Variants in DPP6 observed in about 807,000 individuals in gnomAD.
DPP6 encodes the protein dipeptidyl peptidase like 6.
In DPP6, 69 loss-of-function variants were observed where a neutral mutation model predicts 122.6. That is an observed-to-expected ratio of 0.56 (90% confidence interval 0.46 to 0.69). The LOEUF (loss-of-function observed/expected upper bound fraction) is 0.69, where lower values mean the gene tolerates loss of function less well. Among genes scored for constraint, DPP6 ranks in the 30% least tolerant of loss-of-function variants. The pLI, the probability that DPP6 is intolerant of heterozygous loss-of-function variation, is 0.00. For missense variants in DPP6, 928 were observed against 1,116.9 expected, an observed-to-expected ratio of 0.83 and a Z score of 2.41; for synonymous variants, 418 against 433.1, an observed-to-expected ratio of 0.97 and a Z score of 0.43.
chr7:154,060,704 A>T (rs1585269657), intron 1 of DPP6, among the ~76,000 whole-genome samples: 1 of 123,514 alleles, frequency 8.1e-6, no homozygotes, highest in Non-Finnish European at 1.7e-5. Context: ...GGCTGTTAGT[A>T]CCCCCATCGC....
At chr7:154,130,579 A>G (rs753154515) in intron 1 of DPP6, among the ~76,000 whole-genome samples, 2 of 152,174 alleles carry the variant, frequency 1.3e-5, no homozygotes, top group Admixed American at 6.5e-5. Flanking sequence ...CGAAACACTC[A>G]TGTTTCTCAT....
chr7:154,646,057 G>C (rs10238768), intron 6 of DPP6, among the ~76,000 whole-genome samples: 19,706 of 99,016 alleles, frequency 0.2, 1,704 homozygotes, highest in African/African-American at 0.28. Flanking sequence ...AAAATACTGA[G>C]GGCTCTATTC....
chr7:154,884,945 C>T (rs1430575526), intron 21 of DPP6: 1 of 152,578 alleles, frequency 6.6e-6, no homozygotes, highest in Non-Finnish European at 1.5e-5. Flanking sequence ...CATGCTCTGT[C>T]TCTCACACAT....
At chr7:154,648,927 A>C (rs2130981747) in intron 6 of DPP6, among the ~76,000 whole-genome samples, 1 of 152,162 alleles carries the variant, frequency 6.6e-6, no homozygotes, top group East Asian at 1.9e-4. Context: ...TAAAAAAAAA[A>C]AAAAAAATAC....
At chr7:153,968,874 CT>C (rs1452500987) in intron 1 of DPP6, 1 of 152,124 alleles carries the variant, frequency 6.6e-6, no homozygotes, top group Non-Finnish European at 1.5e-5. Context: ...TCTTTCATGG[CT>C]GGCTTCTTTC....
At chr7:154,553,045 AG>A (rs1829747558) in intron 4 of DPP6, among the ~76,000 whole-genome samples, 1 of 152,180 alleles carries the variant, frequency 6.6e-6, no homozygotes, top group South Asian at 2.1e-4. Context: ...AGAATTTTTG[AG>A]CTGGTTAGAA....
chr7:154,666,914 C>T (rs1838203514), intron 6 of DPP6, among the ~76,000 whole-genome samples: 1 of 152,174 alleles, frequency 6.6e-6, no homozygotes, highest in African/African-American at 2.4e-5. Flanking sequence ...TCAGATGTCT[C>T]TCTGAAATGA....
chr7:153,752,667 G>A, the DPP6 span, among the ~76,000 whole-genome samples: 18 of 128,760 alleles, frequency 1.4e-4, no homozygotes, highest in East Asian at 4.2e-3. Context: ...TGAGACAAAT[G>A]GTAACTTGGT....
intron 5 of DPP6, among the ~76,000 whole-genome samples, chr7:154,591,313 C>T (rs1008849141): frequency 6.6e-6 from 1 of 152,126 alleles, no homozygotes. Context: ...AAGACGGAGT[C>T]AAATCATGGG....
At position 154,224,494 on chromosome 7, in the gene DPP6, A is replaced by G. The variant is rs1170651883; in HGVS notation, c.243+171431A>G. The stretch of plus-strand genomic sequence containing the variant: ...AACTGTGTACTCTAAATGTTTCTGC[A>G]TTGGTCTCCCAGGCCATTCCAATCA... On this transcript the variant is annotated intron_variant, in intron 1 of 25. Transcript: ENST00000377770. Among the ~76,000 whole-genome samples the G allele has an allele frequency of 2.0e-5, 3 of 149,194 alleles. 1 individual carries two copies. Among genetic ancestry groups the G allele is most frequent in the African/African-American group, 7.7e-5 (3 of 39,160 alleles).
chr7:154,804,943 C>T lies in DPP6; in HGVS notation c.1526C>T (p.Pro509Leu), dbSNP rs1303315366. Reference sequence around the variant, plus strand: ...TACTTCCTGAGCACGGAGGACCTGCCTCGGAGACGACAACTCTACAGGTAA... The same window carrying T: ...TACTTCCTGAGCACGGAGGACCTGCTTCGGAGACGACAACTCTACAGGTAA... ...KIYFLSTEDL[P>L]RRRQLYSANT... The change falls in exon 15 of 26, where the codon CCT (proline) becomes CTT (leucine). Residue 509 changes from proline (P) to leucine (L), a missense_variant. By Grantham distance (98) the Pro-to-Leu change is moderately conservative (BLOSUM62 -3). Transcript: ENST00000377770. The T allele has an allele frequency of 3.1e-6, 5 of 1,602,054 alleles. No homozygotes were observed. Among genetic ancestry groups the T allele is most frequent in the South Asian group, 2.3e-5 (2 of 88,300 alleles).
At chr7:154,145,063 C>T (rs1796022795) in intron 1 of DPP6, among the ~76,000 whole-genome samples, 1 of 152,196 alleles carries the variant, frequency 6.6e-6, no homozygotes, top group African/African-American at 2.4e-5. Context: ...GGCGCCTACA[C>T]ACCATCTCCC....
chr7:154,381,195 G>T (rs1197591586), intron 1 of DPP6, among the ~76,000 whole-genome samples: 2 of 152,170 alleles, frequency 1.3e-5, no homozygotes, highest in Non-Finnish European at 2.9e-5. Context: ...GGACTCTGTG[G>T]TCTTAAAAGC....
chr7:153,978,567 T>G (rs1796424880), intron 1 of DPP6, among the ~76,000 whole-genome samples: 1 of 152,164 alleles, frequency 6.6e-6, no homozygotes, highest in Non-Finnish European at 1.5e-5. Flanking sequence ...TTAGATCCCA[T>G]TTGTCAATTT....
rs573984413 is a variant in DPP6 at position 154,289,699 on chromosome 7, A to G, written c.244-156515A>G. Among the ~76,000 whole-genome samples, 14 of 152,320 alleles carry G rather than the reference A, an allele frequency of 9.2e-5. No individual in the cohort carries two copies. The South Asian group carries it at 2.9e-3, about 32-fold the overall frequency. Reference sequence around the variant, plus strand: ...GCAGGCCTTGTGGTAACACCTAGGCAGGACCACCTTCTCTGCACAACTTCA... The same window carrying G: ...GCAGGCCTTGTGGTAACACCTAGGCGGGACCACCTTCTCTGCACAACTTCA... On this transcript the variant is annotated intron_variant, in intron 1 of 25. Transcript: ENST00000377770.
chr7:154,126,584 G>C (rs1807903585), intron 1 of DPP6, among the ~76,000 whole-genome samples: 1 of 151,440 alleles, frequency 6.6e-6, no homozygotes, highest in Non-Finnish European at 1.5e-5. Flanking sequence ...CATGGGTGTA[G>C]CTTTCAGGAG....
intron 1 of DPP6, among the ~76,000 whole-genome samples, chr7:154,134,820 G>T (rs1408807791): frequency 6.6e-6 from 1 of 151,340 alleles, no homozygotes; most frequent in Non-Finnish European, 1.5e-5. Context: ...TCCTATAAGT[G>T]TATACATCCT....
chr7:154,666,357 TG>T (rs559634155), intron 6 of DPP6, among the ~76,000 whole-genome samples: 29 of 147,990 alleles, frequency 2.0e-4, no homozygotes, highest in African/African-American at 6.9e-4. Flanking sequence ...GGTATAGTTT[TG>T]GGGGGTTTTA....
At chr7:154,825,866 A>G (rs1800104653) in intron 16 of DPP6, among the ~76,000 whole-genome samples, 1 of 152,228 alleles carries the variant, frequency 6.6e-6, no homozygotes, top group Non-Finnish European at 1.5e-5. Context: ...AGGGTCACAC[A>G]TTTATTCTCA....
Sources: gnomAD v4.1 joint callset for allele counts (sites outside exome capture counted in the v4.1 genomes callset) on GRCh38, gnomAD v4.1.1 for gene constraint, MANE v1.5 for transcripts, NCBI Gene and HGNC (gene_info 2026-07-23, HGNC 2026-07-21) for gene names.